ZHX3: variants seen among roughly 807,000 people sequenced by gnomAD.
ZHX3 encodes zinc fingers and homeoboxes 3.
In ZHX3, 20 loss-of-function variants were observed where a neutral mutation model predicts 64.5. The observed-to-expected ratio is 0.31, with a 90% CI of 0.22 to 0.45. The LOEUF is 0.45. Among genes scored for constraint, ZHX3 ranks in the 20% least tolerant of loss-of-function variants. The pLI, the probability that ZHX3 is intolerant of heterozygous loss-of-function variation, is 1.00. For missense variants in ZHX3, 1,041 were observed against 1,195.8 expected, an observed-to-expected ratio of 0.87 and a Z score of 1.91; for synonymous variants, 423 against 461.6, an observed-to-expected ratio of 0.92 and a Z score of 1.07.
chr20:41,202,213 G>A lies in ZHX3; in HGVS notation c.2704C>T (p.Gln902Ter). Residue 902 changes from glutamine to a stop codon, truncating the protein, a stop_gained, in exon 3 of 4, where the codon CAG becomes TAG. Transcript: ENST00000683867. LOFTEE classifies it high-confidence loss of function. This position sits in a 1 kb window ranked among gnomAD's most constrained non-coding sequence, Gnocchi z 7.0. The stretch of plus-strand genomic sequence containing the variant: ...GTGAGCTCACCAGTACCAGGGCCCT[G>A]GTCCTCACTGCCTGTGTCTGCCACG... Reference protein sequence around the residue: ...RAVADTGSEDQGPGTGELTAV... With the variant: ...RAVADTGSED The A allele has an allele frequency of 6.2e-7, 1 of 1,614,120 alleles. No individual in the cohort carries two copies. The highest frequency in any genetic ancestry group is 8.5e-7 in the Non-Finnish European group (1 of 1,180,028).
intron 2 of ZHX3, among the ~76,000 whole-genome samples, chr20:41,268,175 T>A (rs562170824): frequency 1.3e-5 from 2 of 152,276 alleles, no homozygotes; most frequent in East Asian, 1.9e-4. Context: ...AAAGAAGTTG[T>A]ACAGAACTTC....
chr20:41,253,904 C>A (rs2042109674), intron 2 of ZHX3, among the ~76,000 whole-genome samples: 1 of 152,088 alleles, frequency 6.6e-6, no homozygotes. Flanking sequence ...TGGTAATAAT[C>A]TTTCAATTTT....
intron 1 of ZHX3, among the ~76,000 whole-genome samples, chr20:41,288,040 T>C (rs901139888): frequency 6.6e-6 from 1 of 152,200 alleles, no homozygotes; most frequent in Non-Finnish European, 1.5e-5. Flanking sequence ...TATTTATTTA[T>C]TTTTGAGACA....
Position 41,178,630 on chromosome 20 carries a change from C to T in ZHX3, c.*6561G>A, listed in dbSNP as rs1002743334. On this transcript the variant is annotated 3_prime_UTR_variant, in exon 4 of 4. Transcript: ENST00000683867. ...ATAGCAGCATCCCCACAGGGGACCT[C>T]GTGAGGCCTGGAGATTCAGCCCCAA... 2 of 152,656 alleles carry T rather than the reference C, an allele frequency of 1.3e-5. No individual in the cohort carries two copies. Among genetic ancestry groups the T allele is most frequent in the African/African-American group, 4.8e-5 (2 of 41,450 alleles). 9.5% of individuals were successfully genotyped at this position (152,656 alleles called of 1,614,324 possible).
At chr20:41,238,447 G>T (rs1326740601) in intron 2 of ZHX3, among the ~76,000 whole-genome samples, 3 of 151,508 alleles carry the variant, frequency 2.0e-5, no homozygotes, top group Admixed American at 6.6e-5. Context: ...AAGAAGGAGG[G>T]ACAGAGGGTG....
intron 1 of ZHX3, among the ~76,000 whole-genome samples, chr20:41,290,855 T>C (rs1476916707): frequency 6.6e-6 from 1 of 152,170 alleles, no homozygotes; most frequent in Non-Finnish European, 1.5e-5. Context: ...AGTTAATTAG[T>C]TACCATCTCC....
chr20:41,310,480 G>A (rs1434296367), intron 1 of ZHX3, among the ~76,000 whole-genome samples: 1 of 152,044 alleles, frequency 6.6e-6, no homozygotes, highest in Non-Finnish European at 1.5e-5. Flanking sequence ...TCCAACATGC[G>A]AGCTGTCAAG....
chr20:41,249,974 A>C (rs565222525), intron 2 of ZHX3, among the ~76,000 whole-genome samples: 2 of 152,268 alleles, frequency 1.3e-5, no homozygotes, highest in African/African-American at 4.8e-5. Context: ...TCTGCCGACA[A>C]TACCAAGCCA....
At chr20:41,196,507 AATATATATTATATAT>A (rs2037661872) in intron 3 of ZHX3, 1 of 3,762 alleles carries the variant, frequency 2.7e-4, no homozygotes, top group African/African-American at 1.1e-3. Flanking sequence ...ATATATTATA[AATATATATTATATAT>A]TATATATTAT....
rs1243164624 is a variant in ZHX3, at chr20:41,196,471, ATATT to A, written c.2860+5582_2860+5585del. 1.2e-4 allele frequency among the ~76,000 whole-genome samples: 6 copies of A among 48,400 alleles called. 1 individual carries two copies. Among genetic ancestry groups the A allele is most frequent in the Non-Finnish European group, 1.7e-4 (5 of 29,628 alleles). 31.8% of individuals were successfully genotyped at this position (48,400 alleles called of 152,430 possible). On this transcript the variant is annotated intron_variant, in intron 3 of 3. Transcript: ENST00000683867. ...TATATAATATATTTATATATAATAT[ATATT>A]TATATATTATAAATATATATTATAT...
intron 2 of ZHX3, among the ~76,000 whole-genome samples, chr20:41,225,716 G>T (rs1411080699): frequency 1.3e-5 from 2 of 152,278 alleles, no homozygotes; most frequent in East Asian, 3.9e-4. Flanking sequence ...TCGAACTCCT[G>T]ACCTCAGGTG....
At position 41,204,433 on chromosome 20, in the gene ZHX3, G is replaced by C. The variant is rs780683512; in HGVS notation, c.484C>G (p.Pro162Ala). 1.2e-6 allele frequency: 2 copies of C among 1,614,076 alleles called. No homozygotes were observed. Among genetic ancestry groups the C allele is most frequent in the African/African-American group, 2.7e-5 (2 of 74,928 alleles). Residue 162 changes from proline to alanine, a missense_variant, in exon 3 of 4, where the codon CCT becomes GCT. Transcript: ENST00000683867. This position sits in a 1 kb window ranked among gnomAD's most constrained non-coding sequence, Gnocchi z 6.6. ...GCACTGGGCTCACCCGCTAGGTCAG[G>C]AGTGCTGGTGCTCTCAGGGATGCTC... ...EQSIPESTST[P>A]DLAGEPSAEG...
At chr20:41,238,604 GTAT>G (rs1173668822) in intron 2 of ZHX3, 6 of 152,118 alleles carry the variant, frequency 3.9e-5, no homozygotes, top group Non-Finnish European at 5.9e-5. Context: ...AGTATTTTTA[GTAT>G]TTTTATCTAA....
chr20:41,279,710 T>A (rs2043574848), intron 1 of ZHX3, among the ~76,000 whole-genome samples: 1 of 152,230 alleles, frequency 6.6e-6, no homozygotes, highest in South Asian at 2.1e-4. Flanking sequence ...ACCATCAGAA[T>A]AGCATGAGGA....
At chr20:41,289,276 C>T (rs1168840084) in intron 1 of ZHX3, among the ~76,000 whole-genome samples, 2 of 152,094 alleles carry the variant, frequency 1.3e-5, no homozygotes, top group African/African-American at 4.8e-5. Flanking sequence ...GCTGGGATTA[C>T]AGGCATGAGC....
At chr20:41,308,883 A>G (rs1041828675) in intron 1 of ZHX3, among the ~76,000 whole-genome samples, 3 of 152,228 alleles carry the variant, frequency 2.0e-5, no homozygotes, top group African/African-American at 7.2e-5. Flanking sequence ...AATTGTGCAC[A>G]TAATTTTACA....
At chr20:41,249,458 C>A (rs1445480233) in intron 2 of ZHX3, among the ~76,000 whole-genome samples, 4 of 152,096 alleles carry the variant, frequency 2.6e-5, no homozygotes, top group Non-Finnish European at 5.9e-5. Flanking sequence ...GAAAAGCCTG[C>A]CTTTAAAGCA....
chr20:41,196,698 G>A (rs2037733134), intron 3 of ZHX3: 1 of 177,858 alleles, frequency 5.6e-6, no homozygotes, highest in African/African-American at 2.6e-5. Context: ...GGTGAAGAAG[G>A]AAGCTCTTGA....
Position 41,202,343 on chromosome 20 carries a change from C to T in ZHX3, c.2574G>A (p.Lys858=), listed in dbSNP as rs1176155613. 1 of 1,614,208 alleles carries T rather than the reference C, an allele frequency of 6.2e-7. No individual in the cohort carries two copies. Among genetic ancestry groups the T allele is most frequent in the East Asian group, 2.2e-5 (1 of 44,882 alleles). The part of the protein sequence containing the change: ...ELLQDYYMTH[K]MLYEEDLQNL... ...TCTGCAGGTCCTCTTCATACAGCAT[C>T]TTGTGTGTCATGTAATAGTCCTGCA... The change falls in exon 3 of 4, where the codon AAG becomes AAA. Residue 858 remains lysine (K), a synonymous_variant. Transcript: ENST00000683867. This position sits in a 1 kb window ranked among gnomAD's most constrained non-coding sequence, Gnocchi z 7.0.
Sources: allele counts gnomAD v4.1 joint callset (sites outside exome capture counted in the v4.1 genomes callset), GRCh38; gene constraint gnomAD v4.1.1; non-coding constraint Gnocchi (gnomAD v3.1); transcripts MANE v1.5; gene names NCBI Gene and HGNC (gene_info 2026-07-23, HGNC 2026-07-21).